CHRNG: variants seen among roughly 807,000 people sequenced by gnomAD.
CHRNG encodes the protein cholinergic receptor nicotinic gamma subunit.
Under a neutral mutation model 65.2 loss-of-function variants are expected in CHRNG, and 72 were observed. The observed-to-expected ratio is 1.10, with a 90% CI of 0.91 to 1.34. The LOEUF is 1.34. CHRNG is among the 40% of genes most tolerant of loss of function. CHRNG has a pLI of 0.00. For synonymous variants in CHRNG, 284 were observed against 290.2 expected, an observed-to-expected ratio of 0.98 and a Z score of 0.22; for missense variants, 637 against 680.1, an observed-to-expected ratio of 0.94 and a Z score of 0.70.
intron 11 of CHRNG, 87 bp downstream of exon 11, chr2:232,544,989 T>A (rs1692097841): frequency 6.4e-7 from 1 of 1,557,660 alleles, no homozygotes; most frequent in Non-Finnish European, 8.8e-7. Context: ...GTTGCCAAGA[T>A]AGGGCAGTGG....
chr2:232,544,356 C>A lies in CHRNG; in HGVS notation c.1036-11C>A. 3 of 1,606,764 alleles carry A rather than the reference C, an allele frequency of 1.9e-6. No homozygotes were observed. Among genetic ancestry groups the A allele is most frequent in the Non-Finnish European group, 2.6e-6 (3 of 1,174,412 alleles). On this transcript the variant is annotated splice_polypyrimidine_tract_variant and intron_variant, in intron 9 of 11. Transcript: ENST00000651502. ...CGGCCTGCTGCCCTAGTGAAGCCAC[C>A]CCCTCTCTAGGTGTTCCTGAGGCTC...
intron 5 of CHRNG, chr2:232,542,003 G>A (rs1409648480): frequency 1.9e-5 from 6 of 312,252 alleles, no homozygotes; most frequent in Admixed American, 4.5e-5. Flanking sequence ...AGGAGGGCCC[G>A]GGGGAGGGTT....
chr2:232,544,441 C>T lies in CHRNG; in HGVS notation c.1110C>T (p.Thr370=). 1 of 1,613,668 alleles carries T rather than the reference C, an allele frequency of 6.2e-7. No individual in the cohort carries two copies. Among genetic ancestry groups the T allele is most frequent in the East Asian group, 2.2e-5 (1 of 44,874 alleles). The change falls in exon 10 of 12, where the codon ACC becomes ACT. Residue 370 remains threonine, a synonymous_variant. Transcript: ENST00000651502. ...RPLAPAAVQD[T]QSRLQNGSSG... ...TGGCCCCGGCAGCTGTGCAGGACAC[C>T]CAGTCCCGGCTACAGAATGGCTCCT...
rs925039882 is a variant in CHRNG, at chr2:232,540,120, C to G, written c.184C>G (p.Leu62Val). The change falls in exon 2 of 12, where the codon CTC (leucine) becomes GTC (valine). Residue 62 changes from leucine to valine, a missense_variant. Leu to Val is a conservative substitution (Grantham distance 32, BLOSUM62 1). Transcript: ENST00000651502. The surrounding 1 kb of genome is among the most constrained non-coding windows in gnomAD (Gnocchi z 4.2). ...NVSLKLTLTN[L>V]ISLNEREEAL... ...CAGCCTGAAGCTAACCCTCACCAAC[C>G]TCATCTCCCTGGTAAGCCGCAGGAC... 1 of 1,614,078 alleles carries G rather than the reference C, an allele frequency of 6.2e-7. No homozygotes were observed. The highest frequency in any genetic ancestry group is 8.5e-7 in the Non-Finnish European group (1 of 1,180,012).
chr2:232,545,844 A>T lies in CHRNG; in HGVS notation c.*128A>T. 1 of 1,087,614 alleles carries T rather than the reference A, an allele frequency of 9.2e-7. No individual in the cohort carries two copies. Among genetic ancestry groups the T allele is most frequent in the South Asian group, 1.3e-5 (1 of 77,820 alleles). 67.4% of individuals were successfully genotyped at this position (1,087,614 alleles called of 1,614,324 possible). A position where few individuals can be genotyped will look rare whatever the true frequency, so the allele number is the denominator to read the frequency against. On this transcript the variant is annotated 3_prime_UTR_variant, in exon 12 of 12. Transcript: ENST00000651502. ...AGTGCCCTTCAGGACTGTGTGAGCC[A>T]AACAGCCCTGAGAAAAGCTGGGGAA...
intron 1 of CHRNG, 63 bp from the exon 2 acceptor site, chr2:232,539,929 C>T: frequency 6.2e-7 from 1 of 1,612,710 alleles, no homozygotes; most frequent in Non-Finnish European, 8.5e-7. Flanking sequence ...ACTTCACACC[C>T]CCAGGGCCTC....
At position 232,543,276 on chromosome 2, in the gene CHRNG, TG is replaced by T. The variant is rs1236701466; in HGVS notation, c.812del (p.Gly271AlafsTer39). 6.2e-7 allele frequency: 1 copy of T among 1,613,452 alleles called. No homozygotes were observed. The highest frequency in any genetic ancestry group is 8.5e-7 in the Non-Finnish European group (1 of 1,179,494). ...ILIHFLPAKAGGQKCTVAINV... is the reference protein window; with the variant it reads ...ILIHFLPAKAXGQKCTVAINV... Reference sequence around the variant, plus strand: ...TGAGAGCCTCTCGGTCATGGATAGCTGGGGGCCAGAAGTGTACCGTCGCCAT... The same window carrying T: ...TGAGAGCCTCTCGGTCATGGATAGCTGGGGCCAGAAGTGTACCGTCGCCAT... On this transcript the variant is annotated frameshift_variant and splice_region_variant, in exon 8 of 12. Coordinates refer to ENST00000651502, the MANE Select transcript of CHRNG (RefSeq NM_005199.5). LOFTEE classifies it high-confidence loss of function.
At position 232,541,039 on chromosome 2, in the gene CHRNG, G is replaced by A. The variant is rs72991918; in HGVS notation, c.350+328G>A. On this transcript the variant is annotated intron_variant, in intron 4 of 11. Coordinates refer to ENST00000651502, the MANE Select transcript of CHRNG (RefSeq NM_005199.5). This position sits in a 1 kb window ranked among gnomAD's most constrained non-coding sequence, Gnocchi z 4.0. ...AGTCAACAAGACAGGCATGAAAAGTGCATCACTCGGGGGCTGGCACATGGT... is the reference window on the plus strand; with the variant it reads ...AGTCAACAAGACAGGCATGAAAAGTACATCACTCGGGGGCTGGCACATGGT... Among the ~76,000 whole-genome samples the A allele has an allele frequency of 5.3e-5, 8 of 152,120 alleles. No homozygotes were observed. Among genetic ancestry groups the A allele is most frequent in the African/African-American group, 1.7e-4 (7 of 41,398 alleles).
In CHRNG at chr2:232,541,832, G is replaced by GT. The variant is rs1203441536; in HGVS notation, c.506+304dup. The GT allele has an allele frequency of 2.0e-5, 10 of 492,492 alleles. No individual in the cohort carries two copies. Among genetic ancestry groups the GT allele is most frequent in the Non-Finnish European group, 2.6e-5 (7 of 268,344 alleles). 30.5% of individuals were successfully genotyped at this position (492,492 alleles called of 1,614,324 possible). On this transcript the variant is annotated intron_variant, in intron 5 of 11. Transcript: ENST00000651502. The surrounding 1 kb of genome is among the most constrained non-coding windows in gnomAD (Gnocchi z 4.0). ...GAAGGCACACATGCACACAAGATGC[G>GT]TGTCTGCGCACACACGAAACCACTG...
At position 232,541,379 on chromosome 2, in the gene CHRNG, A is replaced by G. The variant is rs1692012239; in HGVS notation, c.356A>G (p.Asp119Gly). 4 of 1,613,960 alleles carry G rather than the reference A, an allele frequency of 2.5e-6. No individual in the cohort carries two copies. The highest frequency in any genetic ancestry group is 3.4e-6 in the Non-Finnish European group (4 of 1,179,964). Residue 119 changes from aspartate (D) to glycine (G), a missense_variant, in exon 5 of 12, where the codon GAC (aspartate) becomes GGC (glycine). Transcript: ENST00000651502. This position sits in a 1 kb window ranked among gnomAD's most constrained non-coding sequence, Gnocchi z 4.0. Reference protein sequence around the residue: ...RPDIVLENNVDGVFEVALYCN... With the variant: ...RPDIVLENNVGGVFEVALYCN... The stretch of plus-strand genomic sequence containing the variant: ...GGCCTGTTCTGTGCATACAGCGTGG[A>G]CGGTGTCTTCGAGGTGGCCCTCTAC...
chr2:232,541,310 C>T lies in CHRNG; in HGVS notation c.351-64C>T. ...ATCCACATGGGGCACAGGGGCTGGT[C>T]TGGGGCTGGGGTGTCGGGGGCTGAG... is the stretch of plus-strand genomic sequence containing the variant. On this transcript the variant is annotated intron_variant, in intron 4 of 11. Coordinates refer to ENST00000651502, the MANE Select transcript of CHRNG (RefSeq NM_005199.5). The surrounding 1 kb of genome is among the most constrained non-coding windows in gnomAD (Gnocchi z 4.0). The T allele has an allele frequency of 1.2e-6, 2 of 1,602,400 alleles. No individual in the cohort carries two copies. Among genetic ancestry groups the T allele is most frequent in the South Asian group, 2.2e-5 (2 of 90,796 alleles).
Position 232,541,350 on chromosome 2 carries a change from G to T in CHRNG, c.351-24G>T. On this transcript the variant is annotated intron_variant, in intron 4 of 11. Transcript: ENST00000651502. This position sits in a 1 kb window ranked among gnomAD's most constrained non-coding sequence, Gnocchi z 4.0. Reference sequence around the variant, plus strand: ...CGGGGGCTGAGCCCACAGCCTCGTGGCCTGGCCTGTTCTGTGCATACAGCG... The same window carrying T: ...CGGGGGCTGAGCCCACAGCCTCGTGTCCTGGCCTGTTCTGTGCATACAGCG... The T allele has an allele frequency of 6.2e-7, 1 of 1,613,786 alleles. No homozygotes were observed. Among genetic ancestry groups the T allele is most frequent in the Non-Finnish European group, 8.5e-7 (1 of 1,179,890 alleles).
At chr2:232,543,485 C>CCCG (rs1451663113) in intron 8 of CHRNG, 96 bp downstream of exon 8, 3 of 1,183,022 alleles carry the variant, frequency 2.5e-6, no homozygotes, top group East Asian at 2.5e-5. Context: ...CATCCACCCC[C>CCCG]CCCATCCTCA....
rs546705810 is a variant in CHRNG, at chr2:232,541,045, C to T, written c.351-329C>T. 5.9e-5 allele frequency among the ~76,000 whole-genome samples: 9 copies of T among 152,200 alleles called. No individual in the cohort carries two copies. The highest frequency in any genetic ancestry group is 2.2e-4 in the African/African-American group (9 of 41,504). On this transcript the variant is annotated intron_variant, in intron 4 of 11. Transcript: ENST00000651502. This position sits in a 1 kb window ranked among gnomAD's most constrained non-coding sequence, Gnocchi z 4.0. ...CAAGACAGGCATGAAAAGTGCATCACTCGGGGGCTGGCACATGGTGTGGGC... is the reference window on the plus strand; with the variant it reads ...CAAGACAGGCATGAAAAGTGCATCATTCGGGGGCTGGCACATGGTGTGGGC...
rs377400953 is a variant in CHRNG, at chr2:232,545,766, T to A, written c.*50T>A. The A allele has an allele frequency of 1.9e-5, 30 of 1,596,886 alleles. No individual in the cohort carries two copies. In the African/African-American group the frequency reaches 3.9e-4, roughly 21 times the overall value. ...TGGGAGTCACACACGTGGGTCACAC[T>A]GAGTCTTATCAGCCACGTTCTCCTA... is the stretch of plus-strand genomic sequence containing the variant. On this transcript the variant is annotated 3_prime_UTR_variant, in exon 12 of 12. Transcript: ENST00000651502.
Position 232,545,571 on chromosome 2 carries a change from G to A in CHRNG, c.1409G>A (p.Arg470Gln), listed in dbSNP as rs143306273. Reference sequence around the variant, plus strand: ...AATGAGGAGTGGTTCCTGGTGGGCCGAGTGCTGGACCGCGTCTGCTTCCTG... The same window carrying A: ...AATGAGGAGTGGTTCCTGGTGGGCCAAGTGCTGGACCGCGTCTGCTTCCTG... The part of the protein sequence containing the change: ...NGNEEWFLVG[R>Q]VLDRVCFLAM... The change falls in exon 12 of 12, where the codon CGA becomes CAA. Residue 470 changes from arginine (R) to glutamine (Q), a missense_variant. Arg to Gln is a conservative substitution (Grantham distance 43). Coordinates refer to ENST00000651502, the MANE Select transcript of CHRNG (RefSeq NM_005199.5). The A allele has an allele frequency of 9.5e-5, 154 of 1,613,838 alleles. No homozygotes were observed. Among genetic ancestry groups the A allele is most frequent in the Admixed American group, 1.7e-4 (10 of 60,010 alleles).
rs1025234857 is a variant in CHRNG, at chr2:232,540,939, G to A, written c.350+228G>A. Among the ~76,000 whole-genome samples the A allele has an allele frequency of 1.3e-5, 2 of 152,060 alleles. No individual in the cohort carries two copies. The highest frequency in any genetic ancestry group is 4.8e-5 in the African/African-American group (2 of 41,392). On this transcript the variant is annotated intron_variant, in intron 4 of 11. Coordinates refer to ENST00000651502, the MANE Select transcript of CHRNG (RefSeq NM_005199.5). This position sits in a 1 kb window ranked among gnomAD's most constrained non-coding sequence, Gnocchi z 4.2. The stretch of plus-strand genomic sequence containing the variant: ...CCTACGCCAGGCTCCATCTCCTCTG[G>A]GCTGGGCCACCTGGGTGGGCTGCTC...
chr2:232,543,106 G>A lies in CHRNG; in HGVS notation c.805+24G>A, dbSNP rs772217042. 5 of 1,609,398 alleles carry A rather than the reference G, an allele frequency of 3.1e-6. No homozygotes were observed. The African/African-American group carries it at 6.7e-5, about 22-fold the overall frequency. On this transcript the variant is annotated intron_variant, in intron 7 of 11. Coordinates refer to ENST00000651502, the MANE Select transcript of CHRNG (RefSeq NM_005199.5). ...GGGTACCTGGAGCCTATGGGAAGGAGCCATCCAGTAGCACAGGGGACACCT... is the reference window on the plus strand; with the variant it reads ...GGGTACCTGGAGCCTATGGGAAGGAACCATCCAGTAGCACAGGGGACACCT...
intron 7 of CHRNG, 87 bp from the exon 8 acceptor site, chr2:232,543,188 A>G: frequency 1.3e-6 from 2 of 1,520,412 alleles, no homozygotes; most frequent in African/African-American, 2.7e-5. Flanking sequence ...CCCAGGACAG[A>G]GGCAGCGGGC....
Sources: gnomAD v4.1 joint callset for allele counts (sites outside exome capture counted in the v4.1 genomes callset) on GRCh38, gnomAD v4.1.1 for gene constraint, Gnocchi (gnomAD v3.1) non-coding constraint, MANE v1.5 for transcripts, NCBI Gene and HGNC (gene_info 2026-07-23, HGNC 2026-07-21) for gene names.